The following EGFLAM variants were observed in gnomAD, a reference collection of about 807,000 sequenced individuals.
EGFLAM encodes EGF like, fibronectin type III and laminin G domains.
Under a neutral mutation model 113.1 loss-of-function variants are expected in EGFLAM, and 79 were observed. That is an observed-to-expected ratio of 0.70 (90% CI 0.58 to 0.84). EGFLAM has a LOEUF of 0.84. Among genes scored for constraint, EGFLAM ranks in the 40% least tolerant of loss-of-function variants. EGFLAM has a pLI of 0.00. For missense variants in EGFLAM, 1,265 were observed against 1,291.6 expected (o/e 0.98, Z 0.32); for synonymous variants, 504 against 487.6 (o/e 1.03, Z -0.44).
At chr5:38,440,827 C>T (rs759760215) in intron 17 of EGFLAM, among the ~76,000 whole-genome samples, 1 of 152,174 alleles carries the variant, frequency 6.6e-6, no homozygotes, top group Admixed American at 6.5e-5. Flanking sequence ...CCAATCCATA[C>T]CAAAGGGCAC....
chr5:38,358,544 G>A (rs148002439), intron 5 of EGFLAM, among the ~76,000 whole-genome samples: 1 of 151,530 alleles, frequency 6.6e-6, no homozygotes, highest in South Asian at 2.1e-4. Flanking sequence ...TCAAGTAGAC[G>A]TTATGCATAA....
chr5:38,435,229 G>A lies in EGFLAM; in HGVS notation c.2259G>A (p.Lys753=). The A allele has an allele frequency of 6.2e-7, 1 of 1,614,102 alleles. No homozygotes were observed. The highest frequency in any genetic ancestry group is 8.5e-7 in the Non-Finnish European group (1 of 1,179,994). ...DDVKKNSGVL[K]PFSGSIQKII... is the part of the protein sequence containing the mutation. ...TGAAGAAGAACTCGGGTGTCCTGAAGCCTTTCAGCGGGAGCATCCAGAAGG... is the reference window on the plus strand; with the variant it reads ...TGAAGAAGAACTCGGGTGTCCTGAAACCTTTCAGCGGGAGCATCCAGAAGG... The change falls in exon 16 of 22, where the codon AAG becomes AAA. Residue 753 remains lysine (K), a synonymous_variant. Transcript: ENST00000322350.
intron 6 of EGFLAM, among the ~76,000 whole-genome samples, chr5:38,383,648 G>A (rs1400008759): frequency 6.6e-6 from 1 of 152,152 alleles, no homozygotes; most frequent in Non-Finnish European, 1.5e-5. Context: ...ATCTGTGGGA[G>A]AGTCTGTGAA....
intron 1 of EGFLAM, among the ~76,000 whole-genome samples, chr5:38,273,107 G>A (rs572137316): frequency 1.5e-4 from 23 of 152,204 alleles, no homozygotes; most frequent in Admixed American, 1.4e-3. Flanking sequence ...ATTGAAGAAG[G>A]TAGGAAGGAT....
At chr5:38,444,698 G>A (rs111594438) in intron 17 of EGFLAM, among the ~76,000 whole-genome samples, 6,628 of 152,196 alleles carry the variant, frequency 0.044, 435 homozygotes, top group African/African-American at 0.15. Flanking sequence ...TAATCCAGGC[G>A]CTTTGGGAGG....
chr5:38,352,752 G>A (rs915948261), intron 5 of EGFLAM, among the ~76,000 whole-genome samples: 1 of 152,008 alleles, frequency 6.6e-6, no homozygotes, highest in South Asian at 2.1e-4. Context: ...ATTTAAGAGC[G>A]AACAGAGGCT....
At chr5:38,423,763 C>G (rs1741912007) in intron 12 of EGFLAM, among the ~76,000 whole-genome samples, 1 of 152,172 alleles carries the variant, frequency 6.6e-6, no homozygotes, top group Non-Finnish European at 1.5e-5. Flanking sequence ...CCACCCCCAG[C>G]TGGGGAGGCA....
intron 11 of EGFLAM, 46 bp from the exon 12 acceptor site, chr5:38,418,020 G>A: frequency 6.4e-7 from 1 of 1,561,290 alleles, no homozygotes; most frequent in East Asian, 2.3e-5. Flanking sequence ...TTTGGCTTTT[G>A]ATTTTGTTTA....
At chr5:38,367,323 G>T (rs1436638272) in intron 5 of EGFLAM, among the ~76,000 whole-genome samples, 1 of 151,036 alleles carries the variant, frequency 6.6e-6, no homozygotes, top group Non-Finnish European at 1.5e-5. Flanking sequence ...TGTTGCCCAG[G>T]CTGGTCTTGA....
chr5:38,425,285 C>A (rs1741964584), intron 13 of EGFLAM, among the ~76,000 whole-genome samples, 193 bp downstream of exon 13: 1 of 152,134 alleles, frequency 6.6e-6, no homozygotes, highest in South Asian at 2.1e-4. Context: ...TCAAGTGATT[C>A]TCTTCTGCCT....
At chr5:38,379,956 GATAGTAAAT>G (rs989360223) in intron 6 of EGFLAM, among the ~76,000 whole-genome samples, 3 of 152,160 alleles carry the variant, frequency 2.0e-5, no homozygotes, top group African/African-American at 7.2e-5. Context: ...TAAAGGGCAA[GATAGTAAAT>G]ATTTTAGGAT....
chr5:38,327,052 C>G lies in EGFLAM; in HGVS notation c.98-10468C>G, dbSNP rs185726099. On this transcript the variant is annotated intron_variant, in intron 1 of 21. Transcript: ENST00000322350. Reference sequence around the variant, plus strand: ...ACCTCAGGTGATCCACCCACCTCAGCCTCCCAAACTGTTGGGATTACAGGT... The same window carrying G: ...ACCTCAGGTGATCCACCCACCTCAGGCTCCCAAACTGTTGGGATTACAGGT... Among the ~76,000 whole-genome samples the G allele has an allele frequency of 2.6e-3, 399 of 152,198 alleles. 1 individual carries two copies. The highest frequency in any genetic ancestry group is 4.4e-3 in the Non-Finnish European group (300 of 67,982).
intron 16 of EGFLAM, among the ~76,000 whole-genome samples, chr5:38,437,492 C>T (rs1020675882): frequency 1.3e-5 from 2 of 152,160 alleles, no homozygotes; most frequent in South Asian, 2.1e-4. Flanking sequence ...TTGCACTCTC[C>T]CCACTCTGCT....
intron 1 of EGFLAM, among the ~76,000 whole-genome samples, chr5:38,302,260 C>G (rs1234553721): frequency 1.3e-5 from 2 of 150,184 alleles, no homozygotes; most frequent in Non-Finnish European, 1.5e-5. Context: ...AAAAATCAGT[C>G]TCAATCACAT....
At chr5:38,328,450 A>T (rs1463753379) in intron 1 of EGFLAM, among the ~76,000 whole-genome samples, 1 of 152,054 alleles carries the variant, frequency 6.6e-6, no homozygotes, top group Non-Finnish European at 1.5e-5. Context: ...CTATAATCAG[A>T]TTTCTGGAGG....
intron 12 of EGFLAM, among the ~76,000 whole-genome samples, chr5:38,421,145 C>G (rs1351158709): frequency 1.3e-5 from 2 of 152,186 alleles, no homozygotes; most frequent in East Asian, 3.9e-4. Context: ...TCAACTGTGA[C>G]TTTTTCTCTG....
intron 20 of EGFLAM, chr5:38,460,864 C>G (rs1743248578): frequency 6.6e-6 from 1 of 152,242 alleles, no homozygotes; most frequent in Admixed American, 6.5e-5. Flanking sequence ...GGGGGCCTTG[C>G]TTTGGACAGT....
chr5:38,413,470 G>A (rs1448608949), intron 11 of EGFLAM, among the ~76,000 whole-genome samples: 2 of 151,722 alleles, frequency 1.3e-5, no homozygotes, highest in East Asian at 1.9e-4. Flanking sequence ...GAGGGGGGCC[G>A]TAATTGTAGG....
chr5:38,302,022 A>G (rs1313239706), intron 1 of EGFLAM, among the ~76,000 whole-genome samples: 1 of 152,014 alleles, frequency 6.6e-6, no homozygotes, highest in African/African-American at 2.4e-5. Flanking sequence ...GGTGGATCAC[A>G]TGAGGTCAGG....
Sources: allele counts gnomAD v4.1 joint callset (sites outside exome capture counted in the v4.1 genomes callset), GRCh38; gene constraint gnomAD v4.1.1; transcripts MANE v1.5; gene names NCBI Gene and HGNC (gene_info 2026-07-23, HGNC 2026-07-21).